FZD3: variants seen among roughly 807,000 people sequenced by gnomAD.
The protein encoded by FZD3 is frizzled-3.
A neutral mutation model predicts 60.7 loss-of-function variants in FZD3; 30 were observed. The observed-to-expected ratio is 0.49, with a 90% CI of 0.37 to 0.67. The LOEUF is 0.67. FZD3 is among the 30% of genes least tolerant of loss of function. The pLI is 0.00. For missense variants in FZD3, 605 were observed against 838.7 expected (o/e 0.72, Z 3.44); for synonymous variants, 246 against 275.2 (o/e 0.89, Z 1.05).
intron 1 of FZD3, among the ~76,000 whole-genome samples, chr8:28,495,298 C>T (rs2130244261): frequency 6.6e-6 from 1 of 152,180 alleles, no homozygotes; most frequent in South Asian, 2.1e-4. Context: ...GGCGGTTTGC[C>T]CAGTGTAGAA....
At position 28,527,411 on chromosome 8, in the gene FZD3, A is replaced by C; in HGVS notation, c.651A>C (p.Thr217=). 1 of 1,613,970 alleles carries C rather than the reference A, an allele frequency of 6.2e-7. No individual in the cohort carries two copies. The highest frequency in any genetic ancestry group is 8.5e-7 in the Non-Finnish European group (1 of 1,179,884). ...GLISIICLSA[T]LFTFLTFLID... is the part of the protein sequence containing the mutation. The stretch of plus-strand genomic sequence containing the variant: ...TTTCAATCATTTGCCTCTCGGCCAC[A>C]TTGTTTACTTTTTTAACTTTTTTGA... Residue 217 remains threonine, a synonymous_variant, in exon 5 of 8, where the codon ACA becomes ACC. Transcript: ENST00000240093. This position sits in a 1 kb window ranked among gnomAD's most constrained non-coding sequence, Gnocchi z 5.0.
At chr8:28,552,005 A>G (rs567592794) in intron 6 of FZD3, among the ~76,000 whole-genome samples, 11 of 152,208 alleles carry the variant, frequency 7.2e-5, no homozygotes, top group Non-Finnish European at 1.2e-4. Flanking sequence ...AGGAAGTCCA[A>G]TCTTTGTGAA....
intron 3 of FZD3, among the ~76,000 whole-genome samples, chr8:28,509,682 A>G (rs1804233826): frequency 6.6e-6 from 1 of 152,232 alleles, no homozygotes; most frequent in Admixed American, 6.5e-5. Flanking sequence ...TATAAGAGGA[A>G]TCACACAGTA....
At chr8:28,499,284 T>G (rs1803928355) in intron 1 of FZD3, among the ~76,000 whole-genome samples, 1 of 152,242 alleles carries the variant, frequency 6.6e-6, no homozygotes, top group Non-Finnish European at 1.5e-5. Context: ...TTTTGTAAAC[T>G]GCCTTTAAAT....
Position 28,573,565 on chromosome 8 carries a change from T to G in FZD3, c.*10554T>G, listed in dbSNP as rs1264856470. Reference sequence around the variant, plus strand: ...TTATGAAGTCAGGGCCTGCTGATCCTGTTTTTTAAGTTCAAGCGCAATGCC... The same window carrying G: ...TTATGAAGTCAGGGCCTGCTGATCCGGTTTTTTAAGTTCAAGCGCAATGCC... On this transcript the variant is annotated 3_prime_UTR_variant, in exon 8 of 8. Coordinates refer to ENST00000240093, the MANE Select transcript of FZD3 (RefSeq NM_017412.4). The G allele has an allele frequency of 1.3e-5, 2 of 151,272 alleles. No homozygotes were observed. Among genetic ancestry groups the G allele is most frequent in the African/African-American group, 4.9e-5 (2 of 41,126 alleles). The allele number at this position is 151,272 out of a possible 1,614,324, so 9.4% of individuals were successfully genotyped here. A position where few individuals can be genotyped will look rare whatever the true frequency, so the allele number is the denominator to read the frequency against.
intron 6 of FZD3, among the ~76,000 whole-genome samples, chr8:28,555,395 G>A (rs1461560734): frequency 6.6e-6 from 1 of 152,158 alleles, no homozygotes; most frequent in Non-Finnish European, 1.5e-5. Context: ...TTTTAGAAAT[G>A]ATGAAATTGT....
intron 3 of FZD3, among the ~76,000 whole-genome samples, chr8:28,513,761 G>A (rs891358114): frequency 6.6e-6 from 1 of 152,062 alleles, no homozygotes; most frequent in Non-Finnish European, 1.5e-5. Context: ...AATGAATTTA[G>A]TCATAATACT....
chr8:28,533,719 A>G (rs1804937107), intron 5 of FZD3, among the ~76,000 whole-genome samples: 1 of 152,132 alleles, frequency 6.6e-6, no homozygotes, highest in African/African-American at 2.4e-5. Context: ...TTTTACCCTA[A>G]CATCTCATGG....
At chr8:28,525,029 C>A (rs1804680817) in intron 4 of FZD3, among the ~76,000 whole-genome samples, 1 of 152,182 alleles carries the variant, frequency 6.6e-6, no homozygotes, top group African/African-American at 2.4e-5. Context: ...CCTTATTTGA[C>A]TTTAATTTTG....
intron 2 of FZD3, among the ~76,000 whole-genome samples, chr8:28,500,466 T>A (rs1354356793): frequency 6.6e-6 from 1 of 152,180 alleles, no homozygotes; most frequent in African/African-American, 2.4e-5. Flanking sequence ...AACCATTGAT[T>A]TGAAACCCAT....
rs140622442 is a variant in FZD3, at chr8:28,563,921, A to G, written c.*910A>G. ...ATGGCAAAACATTTTCTCTGTATTC[A>G]TTGTTGTATTTTTCTACAGTGAGAT... On this transcript the variant is annotated 3_prime_UTR_variant, in exon 8 of 8. Transcript: ENST00000240093. The G allele has an allele frequency of 1.7e-3, 263 of 152,758 alleles. 2 individuals carry two copies. Among genetic ancestry groups the G allele is most frequent in the African/African-American group, 6.0e-3 (250 of 41,578 alleles). 9.5% of individuals were successfully genotyped at this position (152,758 alleles called of 1,614,324 possible). A position where few individuals can be genotyped will look rare whatever the true frequency, so the allele number is the denominator to read the frequency against.
chr8:28,514,049 T>A (rs1804359556), intron 3 of FZD3, among the ~76,000 whole-genome samples: 1 of 152,210 alleles, frequency 6.6e-6, no homozygotes, highest in Non-Finnish European at 1.5e-5. Flanking sequence ...GTAGTGCACC[T>A]TTGTTGTAGA....
chr8:28,499,370 A>C (rs1012014593), intron 1 of FZD3, among the ~76,000 whole-genome samples: 7 of 152,178 alleles, frequency 4.6e-5, no homozygotes, highest in Admixed American at 1.3e-4. Context: ...TAGTAACTAT[A>C]TAATATTCCA....
Position 28,527,487 on chromosome 8 carries a change from G to A in FZD3, c.727G>A (p.Val243Ile). 2 of 1,613,672 alleles carry A rather than the reference G, an allele frequency of 1.2e-6. 1 individual carries two copies. Among genetic ancestry groups the A allele is most frequent in the South Asian group, 2.2e-5 (2 of 91,064 alleles). ...TGAAAGGCCTATTATATTTTATGCA[G>A]TCTGCTACATGATGGTATCCTTAAT... ...YPERPIIFYA[V>I]CYMMVSLIFF... Residue 243 changes from valine to isoleucine, a missense_variant, in exon 5 of 8, where the codon GTC becomes ATC. Val to Ile is a conservative substitution (Grantham distance 29). Coordinates refer to ENST00000240093, the MANE Select transcript of FZD3 (RefSeq NM_017412.4). This position sits in a 1 kb window ranked among gnomAD's most constrained non-coding sequence, Gnocchi z 5.0.
chr8:28,535,600 G>T (rs1804989680), intron 5 of FZD3, among the ~76,000 whole-genome samples: 2 of 151,986 alleles, frequency 1.3e-5, no homozygotes, highest in Non-Finnish European at 2.9e-5. Flanking sequence ...ACCATTTTTA[G>T]CAAGAACACT....
chr8:28,549,458 A>G (rs1805363829), intron 5 of FZD3, among the ~76,000 whole-genome samples: 1 of 152,130 alleles, frequency 6.6e-6, no homozygotes, highest in African/African-American at 2.4e-5. Flanking sequence ...ATAATTTATA[A>G]TAGTTTTTAC....
At position 28,551,683 on chromosome 8, in the gene FZD3, A is replaced by T; in HGVS notation, c.1485A>T (p.Val495=). Residue 495 remains valine, a synonymous_variant, in exon 6 of 8, where the codon GTA becomes GTT. Transcript: ENST00000240093. ...CTCTCATAGTTGGCATTCCCTCTGT[A>T]TTTTGGGTTGGAAGCAAAAAGACAT... ...LMALIVGIPS[V]FWVGSKKTCF... 6.2e-7 allele frequency: 1 copy of T among 1,612,770 alleles called. No homozygotes were observed. Among genetic ancestry groups the T allele is most frequent in the Non-Finnish European group, 8.5e-7 (1 of 1,179,132 alleles).
chr8:28,521,741 G>C lies in FZD3; in HGVS notation c.386+907G>C, dbSNP rs538401709. On this transcript the variant is annotated intron_variant, in intron 4 of 7. Transcript: ENST00000240093. ...TTTTTGTATGTATCTATCTATGTTTGTACCTGTAACCTGTAGGTCTAGTAC... is the reference window on the plus strand; with the variant it reads ...TTTTTGTATGTATCTATCTATGTTTCTACCTGTAACCTGTAGGTCTAGTAC... Among the ~76,000 whole-genome samples, 15 of 152,164 alleles carry C rather than the reference G, an allele frequency of 9.9e-5. 1 individual carries two copies. In the East Asian group the frequency reaches 1.9e-3, roughly 20 times the overall value.
intron 7 of FZD3, 86 bp from the exon 8 acceptor site, chr8:28,562,708 CCTTA>C (rs1468404593): frequency 2.5e-6 from 2 of 801,140 alleles, no homozygotes; most frequent in Non-Finnish European, 4.2e-6. Flanking sequence ...TAATAATTTC[CCTTA>C]CTGAGGCATT....
Sources: gnomAD v4.1 joint callset for allele counts (sites outside exome capture counted in the v4.1 genomes callset) on GRCh38, gnomAD v4.1.1 for gene constraint, Gnocchi (gnomAD v3.1) non-coding constraint, MANE v1.5 for transcripts, NCBI Gene and HGNC (gene_info 2026-07-23, HGNC 2026-07-21) for gene names.